Variants in MAN1C1 observed in about 807,000 individuals in gnomAD.
MAN1C1 encodes the protein mannosyl-oligosaccharide 1,2-alpha-mannosidase IC.
MAN1C1 carries 49 observed loss-of-function variants against 71.5 expected under a neutral mutation model. The ratio of observed to expected loss-of-function variants is 0.69; its 90% CI spans 0.54 to 0.87. MAN1C1 has a LOEUF of 0.87. MAN1C1 is among the 40% of genes least tolerant of loss of function. MAN1C1 has a pLI of 0.00. For missense variants in MAN1C1, 743 were observed against 835.0 expected, an observed-to-expected ratio of 0.89 and a Z score of 1.36; for synonymous variants, 352 against 343.7, an observed-to-expected ratio of 1.02 and a Z score of -0.27.
rs914259211 is a variant in MAN1C1 at position 25,783,280 on chromosome 1, G to A, written c.1767-383G>A. Among the ~76,000 whole-genome samples, 8 of 152,176 alleles carry A rather than the reference G, an allele frequency of 5.3e-5. No individual in the cohort carries two copies. In the South Asian group the frequency reaches 1.2e-3, roughly 24 times the overall value. On this transcript the variant is annotated intron_variant, in intron 11 of 11. Transcript: ENST00000374332. ...CCCATGTTCTTCTCAGTGCCCCAAT[G>A]TGTACTCTGAATATAGAGTCTTAGT...
intron 2 of MAN1C1, among the ~76,000 whole-genome samples, chr1:25,732,147 G>A (rs1001459359): frequency 2.6e-5 from 4 of 152,114 alleles, no homozygotes; most frequent in Admixed American, 6.5e-5. Context: ...AGGGAGAGGC[G>A]GCAGCTCTCT....
intron 10 of MAN1C1, 95 bp downstream of exon 10, chr1:25,781,207 AG>A: frequency 7.4e-7 from 1 of 1,359,466 alleles, no homozygotes; most frequent in African/African-American, 1.4e-5. Context: ...CTGGAGTGGA[AG>A]GCCAAGCCAC....
At chr1:25,648,487 G>A (rs1008751050) in intron 1 of MAN1C1, among the ~76,000 whole-genome samples, 12 of 152,074 alleles carry the variant, frequency 7.9e-5, no homozygotes, top group Non-Finnish European at 1.6e-4. Flanking sequence ...TTCTTATGTA[G>A]GGTGCTTTCT....
chr1:25,692,176 G>T (rs528197440), intron 2 of MAN1C1, among the ~76,000 whole-genome samples: 43 of 152,276 alleles, frequency 2.8e-4, no homozygotes, highest in African/African-American at 1.0e-3. Context: ...TCTTTGCGCC[G>T]CACACTCTGA....
At position 25,749,335 on chromosome 1, in the gene MAN1C1, G is replaced by A. The variant is rs1308956814; in HGVS notation, c.834G>A (p.Glu278=). Residue 278 remains glutamate (E), a splice_region_variant and synonymous_variant, in exon 4 of 12, where the codon GAG becomes GAA. Coordinates refer to ENST00000374332, the MANE Select transcript of MAN1C1 (RefSeq NM_020379.4). ...CAGCCTTCTACCTGACAGGAGAAGA[G>A]GTGGGTTGGCCTTTCATGACCCCTG... ...LLSAFYLTGE[E]VFRIKAIRLG... 2 of 1,609,544 alleles carry A rather than the reference G, an allele frequency of 1.2e-6. No homozygotes were observed. Among genetic ancestry groups the A allele is most frequent in the Non-Finnish European group, 1.7e-6 (2 of 1,177,356 alleles).
intron 2 of MAN1C1, among the ~76,000 whole-genome samples, chr1:25,710,692 G>A (rs2046601945): frequency 6.6e-6 from 1 of 152,214 alleles, no homozygotes; most frequent in Non-Finnish European, 1.5e-5. Flanking sequence ...TAGCAGGATA[G>A]GAAATAGCGA....
intron 5 of MAN1C1, among the ~76,000 whole-genome samples, chr1:25,757,254 CAG>C (rs1161542006): frequency 1.3e-5 from 2 of 152,226 alleles, no homozygotes; most frequent in South Asian, 2.1e-4. Context: ...GAGGGGCAGA[CAG>C]GGGCCAGTTC....
At position 25,675,458 on chromosome 1, in the gene MAN1C1, T is replaced by G. The variant is rs554942971; in HGVS notation, c.541-10982T>G. 8.5e-5 allele frequency among the ~76,000 whole-genome samples: 13 copies of G among 152,300 alleles called. No homozygotes were observed. The East Asian group carries it at 2.1e-3, about 25-fold the overall frequency. ...TGAGTAGTATTCCATGGTGTATATATGCCACATTTTCTTTATCCACTCATT... is the reference window on the plus strand; with the variant it reads ...TGAGTAGTATTCCATGGTGTATATAGGCCACATTTTCTTTATCCACTCATT... On this transcript the variant is annotated intron_variant, in intron 1 of 11. Transcript: ENST00000374332.
intron 5 of MAN1C1, among the ~76,000 whole-genome samples, chr1:25,754,944 G>A (rs1038400839): frequency 6.6e-6 from 1 of 152,236 alleles, no homozygotes; most frequent in Non-Finnish European, 1.5e-5. Flanking sequence ...AAAGTCTGTT[G>A]CTAAAAATGC....
intron 2 of MAN1C1, among the ~76,000 whole-genome samples, chr1:25,719,589 T>C (rs2046736605): frequency 6.6e-6 from 1 of 151,330 alleles, no homozygotes; most frequent in Non-Finnish European, 1.5e-5. Context: ...CTTTCCCGGT[T>C]AGTTATTTTT....
intron 1 of MAN1C1, among the ~76,000 whole-genome samples, chr1:25,628,712 A>C (rs368051182): frequency 6.6e-6 from 1 of 152,196 alleles, no homozygotes; most frequent in East Asian, 1.9e-4. Flanking sequence ...TAATCCAAGT[A>C]GTATAGATTG....
At chr1:25,706,181 G>A (rs2046519150) in intron 2 of MAN1C1, among the ~76,000 whole-genome samples, 1 of 152,144 alleles carries the variant, frequency 6.6e-6, no homozygotes, top group Non-Finnish European at 1.5e-5. Context: ...CCTGTCCCTT[G>A]CTTCCTCTCT....
intron 1 of MAN1C1, among the ~76,000 whole-genome samples, chr1:25,663,116 T>TTTTA (rs1035727143): frequency 6.8e-6 from 1 of 147,980 alleles, no homozygotes; most frequent in African/African-American, 2.5e-5. Flanking sequence ...CATATATATA[T>TTTTA]TTTATTTATT....
intron 1 of MAN1C1, among the ~76,000 whole-genome samples, chr1:25,629,375 T>A (rs1442870682): frequency 6.6e-6 from 1 of 152,226 alleles, no homozygotes; most frequent in Admixed American, 6.5e-5. Context: ...ATTTTTCATA[T>A]GTTTCTTGGC....
At chr1:25,706,889 G>C (rs2046531157) in intron 2 of MAN1C1, among the ~76,000 whole-genome samples, 1 of 152,202 alleles carries the variant, frequency 6.6e-6, no homozygotes, top group Admixed American at 6.5e-5. Flanking sequence ...ATGGGGAACA[G>C]GGTGTGGCTG....
At chr1:25,726,691 C>A (rs138080449) in intron 2 of MAN1C1, among the ~76,000 whole-genome samples, 1,527 of 152,078 alleles carry the variant, frequency 0.01, 88 homozygotes, top group Admixed American at 0.094. Flanking sequence ...CTTTCTGAGC[C>A]TCAGTTTTGT....
rs1251717791 is a variant in MAN1C1, at chr1:25,616,803, A to AGCGGCG, written c.-984_-979dup. Among the ~76,000 whole-genome samples the AGCGGCG allele has an allele frequency of 2.7e-5, 4 of 145,760 alleles. No homozygotes were observed. The East Asian group carries it at 6.0e-4, about 22-fold the overall frequency. ...CGGGCGCTGTCGCAGTGAAAGCCCGAGCGGCGGCGGCGGCGGGGACGGCGG... is the reference window on the plus strand; with the variant it reads ...CGGGCGCTGTCGCAGTGAAAGCCCGAGCGGCGGCGGCGGCGGCGGCGGGGACGGCGG... On this transcript the variant is annotated 5_prime_UTR_variant, in exon 1 of 12. Transcript: ENST00000374332. The surrounding 1 kb of genome is among the most constrained non-coding windows in gnomAD (Gnocchi z 5.6).
chr1:25,783,878 A>C lies in MAN1C1; in HGVS notation c.*89A>C. On this transcript the variant is annotated 3_prime_UTR_variant, in exon 12 of 12. Coordinates refer to ENST00000374332, the MANE Select transcript of MAN1C1 (RefSeq NM_020379.4). ...CTGTTCTCAAAGGGATTGGGAACGA[A>C]GGCCCCATCTCGGGCAGACCCCCAG... The C allele has an allele frequency of 6.7e-7, 1 of 1,500,212 alleles. No individual in the cohort carries two copies. Among genetic ancestry groups the C allele is most frequent in the Admixed American group, 1.9e-5 (1 of 51,424 alleles). 92.9% of individuals were successfully genotyped at this position (1,500,212 alleles called of 1,614,324 possible). A position where few individuals can be genotyped will look rare whatever the true frequency, so the allele number is the denominator to read the frequency against.
intron 2 of MAN1C1, among the ~76,000 whole-genome samples, chr1:25,699,609 G>T (rs1361474396): frequency 6.6e-6 from 1 of 152,152 alleles, no homozygotes; most frequent in African/African-American, 2.4e-5. Flanking sequence ...CCCAGATGAG[G>T]CCTGATCCCC....
Sources: gnomAD v4.1 joint callset for allele counts (sites outside exome capture counted in the v4.1 genomes callset) on GRCh38, gnomAD v4.1.1 for gene constraint, Gnocchi (gnomAD v3.1) non-coding constraint, MANE v1.5 for transcripts, NCBI Gene and HGNC (gene_info 2026-07-23, HGNC 2026-07-21) for gene names.